The following IL21 variants were observed in gnomAD, a reference collection of about 807,000 sequenced individuals.
IL21 encodes interleukin-21.
A neutral mutation model predicts 18.4 loss-of-function variants in IL21; 3 were observed. The observed-to-expected ratio is 0.16, with a 90% CI of 0.07 to 0.42. The LOEUF (loss-of-function observed/expected upper bound fraction) is 0.42, where lower values mean the gene tolerates loss of function less well. IL21 is among the 10% of genes least tolerant of loss of function. IL21 has a pLI of 0.99. For missense variants in IL21, 130 were observed against 188.4 expected (o/e 0.69, Z 1.81); for synonymous variants, 37 against 62.0 (o/e 0.60, Z 1.90).
Position 122,612,295 on chromosome 4 carries a change from T to C in IL21, c.*415A>G, listed in dbSNP as rs902904147. 1.3e-5 allele frequency among the ~76,000 whole-genome samples: 2 copies of C among 152,068 alleles called. No homozygotes were observed. Among genetic ancestry groups the C allele is most frequent in the African/African-American group, 2.4e-5 (1 of 41,424 alleles). ...TAAAGATGTCAACTTTTCATTTTGCTTTTATATATTTTGCTTCTATGCTTC... is the reference window on the plus strand; with the variant it reads ...TAAAGATGTCAACTTTTCATTTTGCCTTTATATATTTTGCTTCTATGCTTC... On this transcript the variant is annotated 3_prime_UTR_variant, in exon 5 of 5. Coordinates refer to ENST00000648588, the MANE Select transcript of IL21 (RefSeq NM_021803.4).
chr4:122,618,963 G>C (rs1026366461), intron 2 of IL21: 2 of 151,900 alleles, frequency 1.3e-5, no homozygotes, highest in Non-Finnish European at 2.9e-5. Flanking sequence ...TTAGTACCTG[G>C]CTTCTACCTA....
In IL21 at chr4:122,612,282, C is replaced by G. The variant is rs1020053312; in HGVS notation, c.*428G>C. Among the ~76,000 whole-genome samples, 3 of 151,834 alleles carry G rather than the reference C, an allele frequency of 2.0e-5. No homozygotes were observed. In the South Asian group the frequency reaches 6.2e-4, roughly 31 times the overall value. On this transcript the variant is annotated 3_prime_UTR_variant, in exon 5 of 5. Transcript: ENST00000648588. Reference sequence around the variant, plus strand: ...TTCCTTAAAAGAATAAAGATGTCAACTTTTCATTTTGCTTTTATATATTTT... The same window carrying G: ...TTCCTTAAAAGAATAAAGATGTCAAGTTTTCATTTTGCTTTTATATATTTT...
At position 122,611,100 on chromosome 4, in the gene IL21, G is replaced by A. The variant is rs1326258993; in HGVS notation, c.*1610C>T. ...TATACATTCAGAAACAAGAAATACA[G>A]ATTCCATCTTTCTCACTATCTTTGT... On this transcript the variant is annotated 3_prime_UTR_variant, in exon 5 of 5. Coordinates refer to ENST00000648588, the MANE Select transcript of IL21 (RefSeq NM_021803.4). 1.3e-5 allele frequency among the ~76,000 whole-genome samples: 2 copies of A among 152,100 alleles called. No homozygotes were observed. Among genetic ancestry groups the A allele is most frequent in the African/African-American group, 2.4e-5 (1 of 41,414 alleles).
Position 122,610,590 on chromosome 4 carries a change from G to C in IL21, c.*2120C>G, listed in dbSNP as rs2150683847. On this transcript the variant is annotated 3_prime_UTR_variant, in exon 5 of 5. Coordinates refer to ENST00000648588, the MANE Select transcript of IL21 (RefSeq NM_021803.4). The stretch of plus-strand genomic sequence containing the variant: ...CATAGACATTTAAAGCTTTAAAAAA[G>C]AAAGAATAGACATTAGAGATTAAGT... 6.6e-6 allele frequency among the ~76,000 whole-genome samples: 1 copy of C among 152,198 alleles called. No individual in the cohort carries two copies. Among genetic ancestry groups the C allele is most frequent in the East Asian group, 1.9e-4 (1 of 5,186 alleles).
At chr4:122,613,674 C>T (rs1799296076) in intron 3 of IL21, among the ~76,000 whole-genome samples, 1 of 151,892 alleles carries the variant, frequency 6.6e-6, no homozygotes, top group Non-Finnish European at 1.5e-5. Flanking sequence ...TTATTTTTGT[C>T]TACATTACTC....
At position 122,612,604 on chromosome 4, in the gene IL21, T is replaced by C; in HGVS notation, c.*106A>G. The C allele has an allele frequency of 1.3e-6, 1 of 798,148 alleles. No individual in the cohort carries two copies. The highest frequency in any genetic ancestry group is 2.1e-6 in the Non-Finnish European group (1 of 477,480). The allele number at this position is 798,148 out of a possible 1,614,324, so 49.4% of individuals were successfully genotyped here. On this transcript the variant is annotated 3_prime_UTR_variant, in exon 5 of 5. Coordinates refer to ENST00000648588, the MANE Select transcript of IL21 (RefSeq NM_021803.4). ...TGACTTTGCACACTTATGAGTTTTT[T>C]TTTCCCATCGCTAATATATTGTACT...
At chr4:122,617,885 A>T (rs1277570691) in intron 2 of IL21, among the ~76,000 whole-genome samples, 1 of 152,238 alleles carries the variant, frequency 6.6e-6, no homozygotes, top group Non-Finnish European at 1.5e-5. Context: ...TGTCGCCACT[A>T]AACTGCCTTA....
In IL21 at chr4:122,612,607, T is replaced by C. The variant is rs1799276320; in HGVS notation, c.*103A>G. The stretch of plus-strand genomic sequence containing the variant: ...CTTTGCACACTTATGAGTTTTTTTT[T>C]CCCATCGCTAATATATTGTACTCCT... On this transcript the variant is annotated 3_prime_UTR_variant, in exon 5 of 5. Transcript: ENST00000648588. The C allele has an allele frequency of 9.8e-6, 8 of 813,056 alleles. No individual in the cohort carries two copies. Among genetic ancestry groups the C allele is most frequent in the African/African-American group, 1.7e-5 (1 of 58,320 alleles). 50.4% of individuals were successfully genotyped at this position (813,056 alleles called of 1,614,324 possible).
chr4:122,612,649 G>T lies in IL21; in HGVS notation c.*61C>A. On this transcript the variant is annotated 3_prime_UTR_variant, in exon 5 of 5. Transcript: ENST00000648588. ...TGTACTCCTCCACTTGGAATACAAAGAAATGACTTTCACTACTATATTAGA... is the reference window on the plus strand; with the variant it reads ...TGTACTCCTCCACTTGGAATACAAATAAATGACTTTCACTACTATATTAGA... 1 of 1,234,638 alleles carries T rather than the reference G, an allele frequency of 8.1e-7. No individual in the cohort carries two copies. The highest frequency in any genetic ancestry group is 1.2e-5 in the South Asian group (1 of 82,356). 76.5% of individuals were successfully genotyped at this position (1,234,638 alleles called of 1,614,324 possible). A position where few individuals can be genotyped will look rare whatever the true frequency, so the allele number is the denominator to read the frequency against.
chr4:122,621,018 C>T lies in IL21; in HGVS notation c.-7G>A. On this transcript the variant is annotated 5_prime_UTR_variant, in exon 1 of 5. Coordinates refer to ENST00000648588, the MANE Select transcript of IL21 (RefSeq NM_021803.4). ...TGCCAGGACTGGATCTCATAAGTAC[C>T]AACAGTAGAGCTAGACCTTGGTCTC... 6.2e-7 allele frequency: 1 copy of T among 1,613,000 alleles called. No homozygotes were observed. Among genetic ancestry groups the T allele is most frequent in the Non-Finnish European group, 8.5e-7 (1 of 1,179,412 alleles).
At chr4:122,612,973 C>T (rs749660350) in intron 3 of IL21, 45 bp from the exon 4 acceptor site, 62 of 1,265,912 alleles carry the variant, frequency 4.9e-5, no homozygotes, top group Non-Finnish European at 6.7e-5. Flanking sequence ...AAATTTTTTT[C>T]GTAATAAAAT....
At position 122,620,825 on chromosome 4, in the gene IL21, G is replaced by T. The variant is rs1310137442; in HGVS notation, c.168+19C>A. On this transcript the variant is annotated intron_variant, in intron 1 of 4. Transcript: ENST00000648588. ...TGAAAAGTATGATTTAGATTTTGTT[G>T]TGACAAATATAGTCTTACCAAGTCA... 1.2e-6 allele frequency: 2 copies of T among 1,612,634 alleles called. No homozygotes were observed. Among genetic ancestry groups the T allele is most frequent in the East Asian group, 4.5e-5 (2 of 44,862 alleles).
intron 3 of IL21, among the ~76,000 whole-genome samples, chr4:122,613,371 G>A (rs1324063687): frequency 3.4e-5 from 1 of 29,038 alleles, no homozygotes; most frequent in Non-Finnish European, 7.8e-5. Context: ...TTTTTTTTTT[G>A]GAGACAGTCT....
chr4:122,620,522 G>A lies in IL21; in HGVS notation c.204+179C>T, dbSNP rs983139021. On this transcript the variant is annotated intron_variant, in intron 2 of 4. Coordinates refer to ENST00000648588, the MANE Select transcript of IL21 (RefSeq NM_021803.4). ...GAGGAATATAATATAGCATTTTTTA[G>A]TTGGTTTTTGGTAAATCAATGAATT... Among the ~76,000 whole-genome samples, 4 of 152,112 alleles carry A rather than the reference G, an allele frequency of 2.6e-5. 1 individual carries two copies. The highest frequency in any genetic ancestry group is 1.3e-4 in the Admixed American group (2 of 15,262).
chr4:122,618,709 G>T (rs1441646425), intron 2 of IL21, among the ~76,000 whole-genome samples: 1 of 150,128 alleles, frequency 6.7e-6, no homozygotes, highest in Non-Finnish European at 1.5e-5. Context: ...GGGAGGCTGA[G>T]GCAGGAGAAT....
Position 122,612,918 on chromosome 4 carries a change from GA to G in IL21, c.370del (p.Ser124HisfsTer14). The stretch of plus-strand genomic sequence containing the variant: ...TGGTTTTTTCTCATAAGAATCACAT[GA>G]AGGGCATGTCTAGAAATCAATGAAA... The part of the protein sequence containing the change: ...RRQKHRLTCP[S>X]CDSYEKKPPK... On this transcript the variant is annotated frameshift_variant, in exon 4 of 5. Transcript: ENST00000648588. LOFTEE classifies it high-confidence loss of function. The G allele has an allele frequency of 6.3e-7, 1 of 1,598,990 alleles. No homozygotes were observed. Among genetic ancestry groups the G allele is most frequent in the Non-Finnish European group, 8.6e-7 (1 of 1,168,570 alleles).
intron 2 of IL21, 37 bp downstream of exon 2, chr4:122,620,664 C>G: frequency 6.3e-7 from 1 of 1,577,558 alleles, no homozygotes; most frequent in East Asian, 2.2e-5. Context: ...AAACTTATGT[C>G]CAATGTATTT....
At chr4:122,612,783 G>C in intron 4 of IL21, 23 bp from the exon 5 acceptor site, 1 of 1,613,408 alleles carries the variant, frequency 6.2e-7, no homozygotes, top group Non-Finnish European at 8.5e-7. Context: ...TATACCGTGA[G>C]TAACTAAGAA....
chr4:122,619,109 AAAAG>A (rs1799386002), intron 2 of IL21: 1 of 152,210 alleles, frequency 6.6e-6, no homozygotes, highest in Non-Finnish European at 1.5e-5. Context: ...GACGGAAAGA[AAAAG>A]AGAAAAAGAA....
Sources: gnomAD v4.1 joint callset for allele counts (sites outside exome capture counted in the v4.1 genomes callset) on GRCh38, gnomAD v4.1.1 for gene constraint, MANE v1.5 for transcripts, NCBI Gene and HGNC (gene_info 2026-07-23, HGNC 2026-07-21) for gene names.